Variants in STK3 observed in about 807,000 individuals in gnomAD.
The protein encoded by STK3 is serine/threonine kinase 3.
A neutral mutation model predicts 58.0 loss-of-function variants in STK3; 41 were observed. The ratio of observed to expected loss-of-function variants is 0.71; its 90% CI spans 0.55 to 0.92. The LOEUF (loss-of-function observed/expected upper bound fraction) is 0.92, where lower values mean the gene tolerates loss of function less well. Ranked by LOEUF, STK3 falls within the 40% of genes least tolerant of loss-of-function variation. STK3 has a pLI of 0.00. For synonymous variants in STK3, 170 were observed against 191.0 expected (o/e 0.89, Z 0.91); for missense variants, 479 against 602.7 (o/e 0.79, Z 2.15).
At chr8:98,861,412 A>G (rs1836933659) in intron 3 of STK3, among the ~76,000 whole-genome samples, 1 of 121,322 alleles carries the variant, frequency 8.2e-6, no homozygotes, top group Non-Finnish European at 1.6e-5. Context: ...CAGTGGTGCT[A>G]TCTCGGCTCA....
At chr8:98,908,862 A>AG (rs1194540265) in intron 1 of STK3, among the ~76,000 whole-genome samples, 48 of 150,242 alleles carry the variant, frequency 3.2e-4, no homozygotes, top group African/African-American at 9.5e-4. Context: ...AAAAAAAAAA[A>AG]AAGAAAAACA....
intron 4 of STK3, among the ~76,000 whole-genome samples, chr8:98,715,534 C>T (rs1368248844): frequency 6.6e-6 from 1 of 152,168 alleles, no homozygotes; most frequent in Non-Finnish European, 1.5e-5. Context: ...TGAAAACATG[C>T]TCATCATCAC....
chr8:98,426,491 C>A (rs915772589), intron 3 of STK3, among the ~76,000 whole-genome samples: 1 of 152,190 alleles, frequency 6.6e-6, no homozygotes, highest in Non-Finnish European at 1.5e-5. Context: ...ACTCCCGCCC[C>A]CGCCGTGCGG....
chr8:98,827,057 C>T (rs1251789792), upstream of STK3, among the ~76,000 whole-genome samples: 2 of 135,042 alleles, frequency 1.5e-5, no homozygotes, highest in East Asian at 2.3e-4. Flanking sequence ...CAAGATGGGC[C>T]GGGCGCGGTG....
At chr8:98,796,959 T>C (rs866344382) in intron 1 of STK3, among the ~76,000 whole-genome samples, 2 of 152,202 alleles carry the variant, frequency 1.3e-5, no homozygotes. Flanking sequence ...CTCGGATTTC[T>C]GGACTGATAG....
intron 1 of STK3, among the ~76,000 whole-genome samples, chr8:98,939,554 T>A (rs889185316): frequency 6.6e-6 from 1 of 152,228 alleles, no homozygotes; most frequent in Admixed American, 6.5e-5. Flanking sequence ...AAGGCAATCT[T>A]CAGCCGGCCT....
In STK3 at chr8:98,605,793, C is replaced by T. The variant is rs1244782548; in HGVS notation, c.685-9624G>A. 2.0e-5 allele frequency among the ~76,000 whole-genome samples: 3 copies of T among 152,150 alleles called. No individual in the cohort carries two copies. The East Asian group carries it at 5.8e-4, about 29-fold the overall frequency. ...TGGGGCCTGATGGGAGGTGATTGGACCATGGGGGTGGAGTTGTCATGAATG... is the reference window on the plus strand; with the variant it reads ...TGGGGCCTGATGGGAGGTGATTGGATCATGGGGGTGGAGTTGTCATGAATG... On this transcript the variant is annotated intron_variant, in intron 6 of 10. Transcript: ENST00000419617.
At chr8:98,756,004 G>A (rs749451930) in intron 3 of STK3, among the ~76,000 whole-genome samples, 7 of 152,118 alleles carry the variant, frequency 4.6e-5, no homozygotes, top group African/African-American at 9.6e-5. Context: ...TTAGCTGGGC[G>A]TGGTGGCAGG....
intron 1 of STK3, among the ~76,000 whole-genome samples, chr8:98,897,177 C>A (rs770707749): frequency 6.6e-6 from 1 of 152,184 alleles, no homozygotes; most frequent in Non-Finnish European, 1.5e-5. Context: ...ATCAGTCTCA[C>A]TTCCTCTGAG....
At chr8:98,792,534 T>TA (rs548891275) in intron 1 of STK3, among the ~76,000 whole-genome samples, 57 of 150,836 alleles carry the variant, frequency 3.8e-4, no homozygotes, top group African/African-American at 1.2e-3. Flanking sequence ...CCGCCCCTAC[T>TA]AAAAAAAAAT....
At chr8:98,560,375 T>A (rs570629599) in intron 8 of STK3, among the ~76,000 whole-genome samples, 63 of 152,056 alleles carry the variant, frequency 4.1e-4, no homozygotes, top group Middle Eastern at 3.4e-3. Context: ...CGTCACAGGA[T>A]ACAAGGGCAA....
At chr8:98,576,591 G>GT (rs1813411505) in intron 8 of STK3, among the ~76,000 whole-genome samples, 1 of 152,264 alleles carries the variant, frequency 6.6e-6, no homozygotes, top group East Asian at 1.9e-4. Context: ...CACTGTACAA[G>GT]TTTTTTAACT....
chr8:98,448,958 A>T (rs956014452), intron 1 of STK3, among the ~76,000 whole-genome samples: 1 of 152,138 alleles, frequency 6.6e-6, no homozygotes, highest in Non-Finnish European at 1.5e-5. Context: ...TTTTTTTATA[A>T]GAAATTCTTT....
intron 10 of STK3, among the ~76,000 whole-genome samples, chr8:98,460,835 T>C (rs1007090118): frequency 2.0e-5 from 3 of 152,344 alleles, no homozygotes; most frequent in South Asian, 4.1e-4. Context: ...ATAAGTTTCC[T>C]GAGGCCTCCC....
intron 1 of STK3, among the ~76,000 whole-genome samples, chr8:98,775,411 A>C (rs568331418): frequency 6.6e-6 from 1 of 152,270 alleles, no homozygotes; most frequent in East Asian, 1.9e-4. Context: ...CCACCCAAGC[A>C]CATCCAAAGA....
At chr8:98,538,575 T>C (rs1440252200) in intron 9 of STK3, among the ~76,000 whole-genome samples, 3 of 152,116 alleles carry the variant, frequency 2.0e-5, no homozygotes, top group Non-Finnish European at 4.4e-5. Flanking sequence ...GAAACAAAAA[T>C]TGAAGCCCAA....
chr8:98,370,079 G>A (rs1268415036), downstream of STK3, among the ~76,000 whole-genome samples: 2 of 139,038 alleles, frequency 1.4e-5, no homozygotes, highest in Admixed American at 1.7e-4. Context: ...CATCAAAAAT[G>A]GGATTTTGAT....
At chr8:98,644,765 T>C (rs1359352184) in intron 6 of STK3, among the ~76,000 whole-genome samples, 2 of 152,184 alleles carry the variant, frequency 1.3e-5, no homozygotes, top group African/African-American at 4.8e-5. Flanking sequence ...TACCAGCATG[T>C]TTTAATATCA....
At chr8:98,917,739 G>A (rs147414260) in intron 1 of STK3, among the ~76,000 whole-genome samples, 205 of 152,234 alleles carry the variant, frequency 1.3e-3, no homozygotes, top group African/African-American at 4.7e-3. Context: ...ACCCAAACAA[G>A]CTAAGACATC....
Sources: allele counts gnomAD v4.1 joint callset (sites outside exome capture counted in the v4.1 genomes callset), GRCh38; gene constraint gnomAD v4.1.1; transcripts MANE v1.5; gene names NCBI Gene and HGNC (gene_info 2026-07-23, HGNC 2026-07-21).